The following ADAMTSL1 variants were observed in gnomAD, a reference collection of about 807,000 sequenced individuals.
The protein encoded by ADAMTSL1 is ADAMTS like 1.
In ADAMTSL1, 126 loss-of-function variants were observed where a neutral mutation model predicts 201.8. That is an observed-to-expected ratio of 0.62 (90% confidence interval 0.54 to 0.72). The LOEUF is 0.72. Ranked by LOEUF, ADAMTSL1 falls within the 30% of genes least tolerant of loss-of-function variation. The pLI is 0.00. For missense variants in ADAMTSL1, 2,679 were observed against 2,277.8 expected (o/e 1.18, Z -3.59); for synonymous variants, 1,121 against 903.4 (o/e 1.24, Z -4.32).
chr9:18,504,939 G>T lies in ADAMTSL1; in HGVS notation c.174G>T (p.Arg58Ser). 6.2e-7 allele frequency: 1 copy of T among 1,609,748 alleles called. No homozygotes were observed. ...TCGGGASYSL[R>S]RCLSSKSCEG... ...GGGGTGGGGCCTCCTACTCTCTGAG[G>T]CGCTGCCTGAGCAGCAAGTAAGTCC... Residue 58 changes from arginine (R) to serine (S), a missense_variant, in exon 2 of 29, where the codon AGG (arginine) becomes AGT (serine). Arg to Ser is a moderately radical substitution (Grantham distance 110, BLOSUM62 -1). Coordinates refer to ENST00000380548, the MANE Select transcript of ADAMTSL1 (RefSeq NM_001040272.6).
chr9:18,228,310 T>TTGAGGAGGAGGAAAGAA, intron 2 of ADAMTSL1, among the ~76,000 whole-genome samples: 1 of 152,286 alleles, frequency 6.6e-6, no homozygotes, highest in Non-Finnish European at 1.5e-5. Context: ...GGACCAGAAC[T>TTGAGGAGGAGGAAAGAA]CTAGCACATT....
chr9:17,925,530 A>G lies in ADAMTSL1; in HGVS notation c.87+18608A>G, dbSNP rs1380913326. ...CCATGGAATACTATGCAGCCATAAA[A>G]AATGATGAGTTCATGTCCTTTGTAG... is the stretch of plus-strand genomic sequence containing the variant. On this transcript the variant is annotated intron_variant, in intron 1 of 29. Transcript: ENST00000680146. 3.9e-5 allele frequency among the ~76,000 whole-genome samples: 4 copies of G among 103,000 alleles called. 2 individuals carry two copies. The East Asian group carries it at 1.7e-3, about 45-fold the overall frequency. 67.6% of individuals were successfully genotyped at this position (103,000 alleles called of 152,430 possible).
intron 2 of ADAMTSL1, among the ~76,000 whole-genome samples, chr9:18,525,180 G>T (rs940468458): frequency 7.2e-5 from 11 of 152,280 alleles, no homozygotes; most frequent in African/African-American, 2.6e-4. Context: ...GAGGGTGTAT[G>T]TGTCCAGGAA....
chr9:18,670,658 T>C (rs1192207504), intron 9 of ADAMTSL1, among the ~76,000 whole-genome samples: 1 of 152,252 alleles, frequency 6.6e-6, no homozygotes, highest in Non-Finnish European at 1.5e-5. Flanking sequence ...GTTGCATTAC[T>C]TGCCTTTGCA....
chr9:18,153,224 C>T (rs2132052107), intron 1 of ADAMTSL1, among the ~76,000 whole-genome samples: 1 of 152,070 alleles, frequency 6.6e-6, no homozygotes, highest in East Asian at 1.9e-4. Context: ...GGGATAGAGA[C>T]ACTGGAGCCA....
intron 14 of ADAMTSL1, among the ~76,000 whole-genome samples, chr9:18,720,946 T>A (rs991075673): frequency 3.9e-5 from 6 of 152,104 alleles, no homozygotes; most frequent in African/African-American, 1.4e-4. Context: ...ACGGCTGTGG[T>A]TATTATGCAT....
chr9:18,604,844 C>G (rs1478134416), intron 4 of ADAMTSL1, among the ~76,000 whole-genome samples: 1 of 152,152 alleles, frequency 6.6e-6, no homozygotes, highest in African/African-American at 2.4e-5. Context: ...ATACTGTTTT[C>G]TGCAGGGCTG....
chr9:18,436,130 G>A (rs953883536), intron 2 of ADAMTSL1, among the ~76,000 whole-genome samples: 1 of 152,178 alleles, frequency 6.6e-6, no homozygotes, highest in Non-Finnish European at 1.5e-5. Flanking sequence ...GTTTGCAGGG[G>A]TCTAGATTGG....
intron 2 of ADAMTSL1, among the ~76,000 whole-genome samples, chr9:18,446,724 C>T (rs1001061168): frequency 2.6e-5 from 4 of 152,190 alleles, no homozygotes; most frequent in Non-Finnish European, 4.4e-5. Flanking sequence ...GGTGCAAACA[C>T]GTTTTTCTCA....
chr9:18,824,814 C>T (rs1467881711), intron 21 of ADAMTSL1, among the ~76,000 whole-genome samples: 2 of 149,490 alleles, frequency 1.3e-5, no homozygotes, highest in East Asian at 4.0e-4. Flanking sequence ...TCTCCTGCCT[C>T]AGCCTCCTGA....
chr9:18,362,040 A>G (rs1836546619), intron 2 of ADAMTSL1: 1 of 152,220 alleles, frequency 6.6e-6, no homozygotes. Context: ...TCAAGCACAA[A>G]GAATCTAGGA....
chr9:18,156,682 A>G (rs1042497895), intron 1 of ADAMTSL1, among the ~76,000 whole-genome samples: 3 of 151,692 alleles, frequency 2.0e-5, no homozygotes, highest in African/African-American at 4.8e-5. Flanking sequence ...GACCAAGTCT[A>G]TTTTGCCTTG....
At chr9:18,688,675 AAAAAAAAAAAAAAAATATAT>A in intron 13 of ADAMTSL1, among the ~76,000 whole-genome samples, 1 of 30,650 alleles carries the variant, frequency 3.3e-5, no homozygotes, top group Middle Eastern at 0.021. Flanking sequence ...AAAAAAAAAA[AAAAAAAAAAAAAAAATATAT>A]ATATATATAT....
intron 1 of ADAMTSL1, among the ~76,000 whole-genome samples, chr9:18,105,918 C>G: frequency 6.6e-6 from 1 of 152,192 alleles, no homozygotes; most frequent in Non-Finnish European, 1.5e-5. Context: ...TCAAATAACT[C>G]AGCCGAAGAA....
chr9:18,001,832 G>A (rs964013226), intron 1 of ADAMTSL1, among the ~76,000 whole-genome samples: 5 of 152,106 alleles, frequency 3.3e-5, no homozygotes, highest in African/African-American at 1.2e-4. Context: ...ATGCCTGTTA[G>A]TTTTGGCAGA....
intron 2 of ADAMTSL1, among the ~76,000 whole-genome samples, chr9:18,439,116 T>C (rs1489810621): frequency 6.6e-6 from 1 of 152,176 alleles, no homozygotes; most frequent in East Asian, 1.9e-4. Context: ...CATGGTGTCG[T>C]CTTCACTACG....
intron 1 of ADAMTSL1, among the ~76,000 whole-genome samples, chr9:18,496,076 C>T (rs1822520549): frequency 6.6e-6 from 1 of 152,132 alleles, no homozygotes; most frequent in Non-Finnish European, 1.5e-5. Flanking sequence ...ATCACCCCTG[C>T]CTTCAAAGAG....
intron 1 of ADAMTSL1, among the ~76,000 whole-genome samples, chr9:18,104,645 C>T (rs950207326): frequency 6.6e-6 from 1 of 152,228 alleles, no homozygotes; most frequent in South Asian, 2.1e-4. Context: ...GTTCAATATA[C>T]ACTCTTCAGG....
At chr9:17,980,069 G>A (rs1053534962) in intron 1 of ADAMTSL1, among the ~76,000 whole-genome samples, 1 of 152,094 alleles carries the variant, frequency 6.6e-6, no homozygotes, top group Admixed American at 6.5e-5. Context: ...CCATGCAGAG[G>A]CCATTTCTCT....
Sources: allele counts gnomAD v4.1 joint callset (sites outside exome capture counted in the v4.1 genomes callset), GRCh38; gene constraint gnomAD v4.1.1; transcripts MANE v1.5; gene names NCBI Gene and HGNC (gene_info 2026-07-23, HGNC 2026-07-21).